The following ALKBH8 variants were observed in gnomAD, a reference collection of about 807,000 sequenced individuals.
The protein encoded by ALKBH8 is tRNA (carboxymethyluridine(34)-5-O)-methyltransferase ALKBH8.
ALKBH8 carries 36 observed loss-of-function variants against 59.8 expected under a neutral mutation model. The ratio of observed to expected loss-of-function variants is 0.60; its 90% CI spans 0.46 to 0.79. ALKBH8 has a LOEUF of 0.79. ALKBH8 is among the 30% of genes least tolerant of loss of function. The pLI is 0.00. For synonymous variants in ALKBH8, 276 were observed against 273.6 expected (o/e 1.01, Z -0.09); for missense variants, 768 against 801.0 (o/e 0.96, Z 0.50).
rs1330275506 is a variant in ALKBH8, at chr11:107,504,719, A to C, written c.1934T>G (p.Val645Gly). The change falls in exon 12 of 12, where the codon GTC becomes GGC. Residue 645 changes from valine to glycine, a missense_variant. By Grantham distance (109) the Val-to-Gly change is moderately radical. Transcript: ENST00000428149. Reference sequence around the variant, plus strand: ...ATCGTAGTAGCTTTGCAGAATTCTGACATCACTCACAGTCCTGCAGGCACC... The same window carrying C: ...ATCGTAGTAGCTTTGCAGAATTCTGCCATCACTCACAGTCCTGCAGGCACC... ...LEGACRTVSD[V>G]RILQSYYDQG... 1 of 1,551,554 alleles carries C rather than the reference A, an allele frequency of 6.4e-7. No homozygotes were observed. The highest frequency in any genetic ancestry group is 2.4e-5 in the East Asian group (1 of 40,918).
intron 7 of ALKBH8, among the ~76,000 whole-genome samples, chr11:107,541,336 C>T (rs189024027): frequency 1.0e-3 from 155 of 152,276 alleles, no homozygotes; most frequent in African/African-American, 3.7e-3. Flanking sequence ...CCGAAATTGT[C>T]TCCATAGTCA....
At chr11:107,516,119 A>G (rs1166837525) in intron 10 of ALKBH8, among the ~76,000 whole-genome samples, 2 of 152,216 alleles carry the variant, frequency 1.3e-5, no homozygotes, top group Non-Finnish European at 1.5e-5. Flanking sequence ...TATTTTCACC[A>G]CATTGCAGAT....
At chr11:107,511,109 A>G (rs1278160653) in intron 10 of ALKBH8, 73 bp from the exon 11 acceptor site, 2 of 1,464,174 alleles carry the variant, frequency 1.4e-6, no homozygotes, top group African/African-American at 1.4e-5. Context: ...AACTTATTCC[A>G]TACCTTAAAG....
At chr11:107,563,931 C>T (rs1865033870) in intron 1 of ALKBH8, among the ~76,000 whole-genome samples, 1 of 152,180 alleles carries the variant, frequency 6.6e-6, no homozygotes. Flanking sequence ...CAGTTTTCCA[C>T]CATTCCAGTG....
At chr11:107,548,938 C>T (rs1007981625) in intron 7 of ALKBH8, among the ~76,000 whole-genome samples, 5 of 151,912 alleles carry the variant, frequency 3.3e-5, no homozygotes, top group Non-Finnish European at 7.4e-5. Context: ...GCAACCTCTG[C>T]CTCCCAGGTT....
intron 1 of ALKBH8, among the ~76,000 whole-genome samples, chr11:107,563,312 T>C (rs1865008892): frequency 6.6e-6 from 1 of 152,198 alleles, no homozygotes; most frequent in Non-Finnish European, 1.5e-5. Context: ...ACACTTTTCT[T>C]AGTTACCACA....
chr11:107,506,019 C>T (rs1434070749), intron 11 of ALKBH8, among the ~76,000 whole-genome samples: 3 of 152,070 alleles, frequency 2.0e-5, no homozygotes, highest in African/African-American at 7.2e-5. Flanking sequence ...GGTGAAATTC[C>T]AAGAAACTCA....
intron 2 of ALKBH8, 121 bp from the exon 3 acceptor site, chr11:107,557,124 G>T: frequency 1.4e-6 from 1 of 718,642 alleles, no homozygotes; most frequent in Non-Finnish European, 2.0e-6. Context: ...GCATTTCCTT[G>T]TAGTGGTTGT....
At chr11:107,557,085 T>A in intron 2 of ALKBH8, 82 bp from the exon 3 acceptor site, 1 of 1,045,792 alleles carries the variant, frequency 9.6e-7, no homozygotes, top group East Asian at 2.9e-5. Flanking sequence ...AAGATTTTTT[T>A]TAAAAAAGAT....
In ALKBH8 at chr11:107,510,870, A is replaced by C; in HGVS notation, c.1437+17T>G. On this transcript the variant is annotated intron_variant, in intron 11 of 11. Coordinates refer to ENST00000428149, the MANE Select transcript of ALKBH8 (RefSeq NM_138775.3). ...CTTTAGCTACAAGTTCTTAAGAGAA[A>C]GAAAGACCATACTTACTGCTGTTGC... The C allele has an allele frequency of 6.5e-7, 1 of 1,549,542 alleles. No homozygotes were observed. Among genetic ancestry groups the C allele is most frequent in the South Asian group, 1.2e-5 (1 of 83,320 alleles).
chr11:107,504,743 C>A lies in ALKBH8; in HGVS notation c.1910G>T (p.Gly637Val), dbSNP rs1235041548. 2 of 1,552,020 alleles carry A rather than the reference C, an allele frequency of 1.3e-6. No individual in the cohort carries two copies. The highest frequency in any genetic ancestry group is 2.7e-5 in the African/African-American group (2 of 73,026). The change falls in exon 12 of 12, where the codon GGT (glycine) becomes GTT (valine). Residue 637 changes from glycine to valine, a missense_variant. Transcript: ENST00000428149. ...YHVFREGELE[G>V]ACRTVSDVRI... ...GACATCACTCACAGTCCTGCAGGCA[C>A]CTTCCAGTTCTCCCTCACGGAACAC...
intron 5 of ALKBH8, 36 bp from the exon 6 acceptor site, chr11:107,551,948 T>C: frequency 8.1e-7 from 1 of 1,236,158 alleles, no homozygotes; most frequent in South Asian, 1.9e-5. Context: ...AACATTAAAA[T>C]ATTTACTTTG....
intron 10 of ALKBH8, among the ~76,000 whole-genome samples, chr11:107,516,979 A>G (rs1862890788): frequency 6.6e-6 from 1 of 152,278 alleles, no homozygotes; most frequent in South Asian, 2.1e-4. Flanking sequence ...AGCTGTAATC[A>G]TACCACTGCA....
At chr11:107,553,379 C>CT (rs1265788134) in intron 4 of ALKBH8, among the ~76,000 whole-genome samples, 176 bp from the exon 5 acceptor site, 2 of 152,090 alleles carry the variant, frequency 1.3e-5, no homozygotes, top group Admixed American at 6.6e-5. Flanking sequence ...TATTTCAAGT[C>CT]TAAAATTGTA....
At chr11:107,548,213 C>T (rs147681145) in intron 7 of ALKBH8, among the ~76,000 whole-genome samples, 1 of 152,342 alleles carries the variant, frequency 6.6e-6, no homozygotes, top group Non-Finnish European at 1.5e-5. Context: ...GTTAGAGGAG[C>T]TCCTTCGTGT....
intron 11 of ALKBH8, among the ~76,000 whole-genome samples, chr11:107,507,115 G>A (rs1862418701): frequency 6.6e-6 from 1 of 151,948 alleles, no homozygotes; most frequent in Non-Finnish European, 1.5e-5. Context: ...AACAAAAGAG[G>A]AAAAAATGTA....
chr11:107,504,681 A>G lies in ALKBH8; in HGVS notation c.1972T>C (p.Cys658Arg). 1 of 1,548,708 alleles carries G rather than the reference A, an allele frequency of 6.5e-7. No individual in the cohort carries two copies. The highest frequency in any genetic ancestry group is 8.7e-7 in the Non-Finnish European group (1 of 1,145,634). ...LQSYYDQGNW[C>R]VILQKA ...AATCAGGCCTTTTGAAGAATCACAC[A>G]CCAGTTTCCTTGATCGTAGTAGCTT... The change falls in exon 12 of 12, where the codon TGT (cysteine) becomes CGT (arginine). Residue 658 changes from cysteine to arginine, a missense_variant. Transcript: ENST00000428149.
At position 107,553,184 on chromosome 11, in the gene ALKBH8, G is replaced by A. The variant is rs1864567373; in HGVS notation, c.519C>T (p.His173=). 1 of 1,606,538 alleles carries A rather than the reference G, an allele frequency of 6.2e-7. No individual in the cohort carries two copies. Among genetic ancestry groups the A allele is most frequent in the South Asian group, 1.1e-5 (1 of 89,862 alleles). ...DNQNSQKSLK[H]RRVKHFGYEF... The stretch of plus-strand genomic sequence containing the variant: ...CATAACCAAAATGCTTTACTCTTCT[G>A]TGTTTTAAGGATTTTTGAGCTGTGT... Residue 173 remains histidine, a synonymous_variant, in exon 5 of 12, where the codon CAC becomes CAT. Coordinates refer to ENST00000428149, the MANE Select transcript of ALKBH8 (RefSeq NM_138775.3).
chr11:107,553,760 A>C, intron 4 of ALKBH8, 87 bp downstream of exon 4: 5 of 1,409,446 alleles, frequency 3.5e-6, no homozygotes, highest in Non-Finnish European at 2.9e-6. Context: ...AATTTTGAGG[A>C]AATATTAATA....
Sources: allele counts gnomAD v4.1 joint callset (sites outside exome capture counted in the v4.1 genomes callset), GRCh38; gene constraint gnomAD v4.1.1; transcripts MANE v1.5; gene names NCBI Gene and HGNC (gene_info 2026-07-23, HGNC 2026-07-21).